Variants in PLEKHM3 observed in about 807,000 individuals in gnomAD.
PLEKHM3 encodes pleckstrin homology domain containing M3.
A neutral mutation model predicts 81.8 loss-of-function variants in PLEKHM3; 45 were observed. The ratio of observed to expected loss-of-function variants is 0.55; its 90% CI spans 0.43 to 0.71. PLEKHM3 has a LOEUF of 0.71. PLEKHM3 is among the 30% of genes least tolerant of loss of function. PLEKHM3 has a pLI of 0.00. For missense variants in PLEKHM3, 788 were observed against 924.3 expected (o/e 0.85, Z 1.91); for synonymous variants, 352 against 356.4 (o/e 0.99, Z 0.14).
At chr2:208,004,569 T>A (rs1692434284) in intron 1 of PLEKHM3, among the ~76,000 whole-genome samples, 1 of 152,160 alleles carries the variant, frequency 6.6e-6, no homozygotes, top group South Asian at 2.1e-4. Flanking sequence ...AAGAAGCCAC[T>A]GAGGCCCAAA....
chr2:207,997,403 G>C (rs377381236), intron 2 of PLEKHM3, among the ~76,000 whole-genome samples: 4 of 152,308 alleles, frequency 2.6e-5, no homozygotes, highest in African/African-American at 9.6e-5. Flanking sequence ...AGGGTAGGAG[G>C]AAGGAGCAGA....
chr2:207,894,695 AAAG>A (rs1237105185), intron 6 of PLEKHM3, among the ~76,000 whole-genome samples: 1 of 152,324 alleles, frequency 6.6e-6, no homozygotes, highest in East Asian at 1.9e-4. Context: ...CCATTTCTCT[AAAG>A]AAGGGAGTCC....
At chr2:207,849,012 A>T (rs1021342713) in intron 7 of PLEKHM3, among the ~76,000 whole-genome samples, 20 of 152,142 alleles carry the variant, frequency 1.3e-4, no homozygotes, top group African/African-American at 4.6e-4. Flanking sequence ...GTTTGTTCTC[A>T]AGACTGATGT....
In PLEKHM3 at chr2:207,926,400, C is replaced by T. The variant is rs147574165; in HGVS notation, c.1886+4526G>A. On this transcript the variant is annotated intron_variant, in intron 5 of 7. Coordinates refer to ENST00000427836, the MANE Select transcript of PLEKHM3 (RefSeq NM_001080475.3). ...TCTGGCCTTGAGGTGACACATTCTACCGTGCCTGTGTGTGACACATCCTGC... is the reference window on the plus strand; with the variant it reads ...TCTGGCCTTGAGGTGACACATTCTATCGTGCCTGTGTGTGACACATCCTGC... Among the ~76,000 whole-genome samples the T allele has an allele frequency of 6.9e-3, 1,048 of 152,300 alleles. 8 individuals are homozygous for T. Among genetic ancestry groups the T allele is most frequent in the Admixed American group, 0.011 (162 of 15,296 alleles).
intron 3 of PLEKHM3, among the ~76,000 whole-genome samples, chr2:207,955,337 T>C (rs1690467417): frequency 6.6e-6 from 1 of 152,184 alleles, no homozygotes. Flanking sequence ...TAACAGTCTA[T>C]GACTAGACTT....
chr2:207,901,244 G>A (rs1020791080), intron 6 of PLEKHM3: 1 of 702,854 alleles, frequency 1.4e-6, no homozygotes, highest in Non-Finnish European at 2.6e-6. Flanking sequence ...CACATCCCGT[G>A]CCGAGCTCCC....
At chr2:207,933,898 A>G (rs942414785) in intron 4 of PLEKHM3, among the ~76,000 whole-genome samples, 1 of 152,234 alleles carries the variant, frequency 6.6e-6, no homozygotes, top group Non-Finnish European at 1.5e-5. Flanking sequence ...TTTTGGCAGC[A>G]AGGCTGAGCA....
chr2:207,952,905 A>G (rs996155222), intron 3 of PLEKHM3, among the ~76,000 whole-genome samples: 5 of 152,258 alleles, frequency 3.3e-5, no homozygotes, highest in African/African-American at 7.2e-5. Flanking sequence ...CAGTGATCCA[A>G]TACTTTTTGC....
intron 6 of PLEKHM3, among the ~76,000 whole-genome samples, chr2:207,873,222 A>T (rs1365425437): frequency 6.6e-6 from 1 of 152,194 alleles, no homozygotes; most frequent in African/African-American, 2.4e-5. Context: ...CAGGCTTATA[A>T]AGAGGGAAGA....
intron 4 of PLEKHM3, 29 bp from the exon 5 acceptor site, chr2:207,931,148 T>C (rs1383417765): frequency 1.3e-6 from 2 of 1,570,776 alleles, no homozygotes; most frequent in African/African-American, 1.4e-5. Flanking sequence ...CAGTCAGTCC[T>C]GGAGAAGCAC....
intron 6 of PLEKHM3, among the ~76,000 whole-genome samples, chr2:207,895,499 GA>G (rs1688195240): frequency 6.6e-6 from 1 of 152,202 alleles, no homozygotes; most frequent in African/African-American, 2.4e-5. Flanking sequence ...CTCTAGCCAA[GA>G]ATCCTTTCAC....
intron 7 of PLEKHM3, among the ~76,000 whole-genome samples, chr2:207,847,758 T>C (rs1197089858): frequency 6.6e-6 from 1 of 152,152 alleles, no homozygotes; most frequent in Non-Finnish European, 1.5e-5. Flanking sequence ...GAGCAGAAGT[T>C]TCCTTTAGCT....
chr2:207,923,175 C>T (rs1450722393), intron 5 of PLEKHM3, among the ~76,000 whole-genome samples: 2 of 152,202 alleles, frequency 1.3e-5, no homozygotes, highest in South Asian at 2.1e-4. Context: ...AAGGGTGTTG[C>T]GTTATCCTGT....
At chr2:207,960,499 T>G (rs953460973) in intron 3 of PLEKHM3, among the ~76,000 whole-genome samples, 5 of 152,248 alleles carry the variant, frequency 3.3e-5, no homozygotes, top group African/African-American at 9.6e-5. Context: ...CACTCTATAA[T>G]AATAAATGTG....
intron 7 of PLEKHM3, among the ~76,000 whole-genome samples, chr2:207,840,875 A>T (rs1037130567): frequency 7.2e-6 from 1 of 139,664 alleles, no homozygotes; most frequent in East Asian, 2.1e-4. Flanking sequence ...ATCTCGGCTC[A>T]CTGCCACCTC....
rs1480402041 is a variant in PLEKHM3 at position 207,824,832 on chromosome 2, T to C, written c.*3487A>G. 2 of 152,166 alleles carry C rather than the reference T, an allele frequency of 1.3e-5. No individual in the cohort carries two copies. Among genetic ancestry groups the C allele is most frequent in the Non-Finnish European group, 2.9e-5 (2 of 68,036 alleles). 9.4% of individuals were successfully genotyped at this position (152,166 alleles called of 1,614,324 possible). A position where few individuals can be genotyped will look rare whatever the true frequency, so the allele number is the denominator to read the frequency against. ...CTGCAGCCGGAAGGAAGTCACGGCA[T>C]AGTCCCTTTTCAGGAGTCTGAGGGA... On this transcript the variant is annotated 3_prime_UTR_variant, in exon 8 of 8. Transcript: ENST00000427836.
chr2:207,849,577 T>C (rs576965963), intron 7 of PLEKHM3, among the ~76,000 whole-genome samples: 16 of 152,302 alleles, frequency 1.1e-4, no homozygotes, highest in African/African-American at 2.4e-4. Context: ...GAGCTGCCGA[T>C]GCCCTACTAA....
At chr2:208,017,539 C>T (rs926010769) in intron 1 of PLEKHM3, among the ~76,000 whole-genome samples, 3 of 152,136 alleles carry the variant, frequency 2.0e-5, no homozygotes, top group Non-Finnish European at 4.4e-5. Context: ...AAAATTCAAA[C>T]GGAATATCTC....
intron 5 of PLEKHM3, chr2:207,929,951 A>C (rs1003842667): frequency 2.9e-6 from 2 of 692,370 alleles, no homozygotes; most frequent in Admixed American, 4.1e-5. Flanking sequence ...CTATTAAAAC[A>C]AAAAAATTAA....
Sources: allele counts gnomAD v4.1 joint callset (sites outside exome capture counted in the v4.1 genomes callset), GRCh38; gene constraint gnomAD v4.1.1; transcripts MANE v1.5; gene names NCBI Gene and HGNC (gene_info 2026-07-23, HGNC 2026-07-21).